Variants in MYO18A observed in about 807,000 individuals in gnomAD.
The protein encoded by MYO18A is myosin XVIIIA.
MYO18A carries 78 observed loss-of-function variants against 235.8 expected under a neutral mutation model. The observed-to-expected ratio is 0.33, with a 90% CI of 0.28 to 0.40. MYO18A has a LOEUF of 0.40. MYO18A is among the 10% of genes least tolerant of loss of function. The pLI, the probability that MYO18A is intolerant of heterozygous loss-of-function variation, is 1.00. For synonymous variants in MYO18A, 977 were observed against 1,077.8 expected, an observed-to-expected ratio of 0.91 and a Z score of 1.83; for missense variants, 2,215 against 2,699.3, an observed-to-expected ratio of 0.82 and a Z score of 3.98.
chr17:29,130,112 C>A (rs1027846335), intron 2 of MYO18A, among the ~76,000 whole-genome samples: 5 of 152,116 alleles, frequency 3.3e-5, no homozygotes, highest in Admixed American at 3.3e-4. Flanking sequence ...GCCTGGGCAA[C>A]ATGGTGAAAC....
rs900693608 is a variant in MYO18A, at chr17:29,117,296, C to A, written c.2038+749G>T. ...GCAAGTGCCAAAGCTGCAGCCCATT[C>A]GTTACCACGGTGCCTGCTGCCCCCT... On this transcript the variant is annotated intron_variant, in intron 10 of 41. Coordinates refer to ENST00000527372, the MANE Select transcript of MYO18A (RefSeq NM_078471.4). The surrounding 1 kb of genome is among the most constrained non-coding windows in gnomAD (Gnocchi z 4.6). Among the ~76,000 whole-genome samples the A allele has an allele frequency of 6.6e-6, 1 of 152,198 alleles. No individual in the cohort carries two copies. The highest frequency in any genetic ancestry group is 1.5e-5 in the Non-Finnish European group (1 of 68,038).
Position 29,106,562 on chromosome 17 carries a change from G to A in MYO18A, c.3441+518C>T, listed in dbSNP as rs1336432358. Among the ~76,000 whole-genome samples the A allele has an allele frequency of 6.6e-6, 1 of 152,166 alleles. No individual in the cohort carries two copies. Reference sequence around the variant, plus strand: ...GTGACTGTCTAAGGGGCTGCCTCTGGGGCTCAAGGTGATAGCCCAGACGGG... The same window carrying A: ...GTGACTGTCTAAGGGGCTGCCTCTGAGGCTCAAGGTGATAGCCCAGACGGG... On this transcript the variant is annotated intron_variant, in intron 20 of 41. Transcript: ENST00000527372. This position sits in a 1 kb window ranked among gnomAD's most constrained non-coding sequence, Gnocchi z 4.6.
At position 29,158,385 on chromosome 17, in the gene MYO18A, C is replaced by T. The variant is rs1429993848; in HGVS notation, c.999+7557G>A. Among the ~76,000 whole-genome samples, 1 of 152,208 alleles carries T rather than the reference C, an allele frequency of 6.6e-6. No homozygotes were observed. On this transcript the variant is annotated intron_variant, in intron 2 of 41. Transcript: ENST00000527372. The surrounding 1 kb of genome is among the most constrained non-coding windows in gnomAD (Gnocchi z 4.3). ...CCCACAACTGAAAAAATAAGCTTTG[C>T]TAACACTGTCCCCTGTATTTAACAG... is the stretch of plus-strand genomic sequence containing the variant.
intron 2 of MYO18A, among the ~76,000 whole-genome samples, chr17:29,134,823 A>C (rs2067558826): frequency 6.6e-6 from 1 of 152,150 alleles, no homozygotes. Flanking sequence ...ACGCCCAGCC[A>C]ACACTCAAAC....
chr17:29,154,132 G>GCGCGCGCGCGCA (rs1206352340), intron 2 of MYO18A, among the ~76,000 whole-genome samples: 2 of 152,052 alleles, frequency 1.3e-5, no homozygotes, highest in African/African-American at 4.8e-5. Context: ...GCGCGCGCGT[G>GCGCGCGCGCGCA]CGTGTGTATG....
At chr17:29,108,184 A>G (rs1399529879) in intron 19 of MYO18A, among the ~76,000 whole-genome samples, 1 of 152,074 alleles carries the variant, frequency 6.6e-6, no homozygotes, top group African/African-American at 2.4e-5. Context: ...CCCTCTGTCC[A>G]CTAGAGCAGG....
chr17:29,114,847 C>A (rs1443699868), intron 14 of MYO18A, 60 bp downstream of exon 14: 2 of 1,536,328 alleles, frequency 1.3e-6, no homozygotes, highest in Non-Finnish European at 1.8e-6. Context: ...CACAGATGCC[C>A]TCGCTGTGGG....
rs375665767 is a variant in MYO18A at position 29,121,826 on chromosome 17, C to T, written c.1194+25G>A. 6.2e-7 allele frequency: 1 copy of T among 1,613,302 alleles called. No homozygotes were observed. The highest frequency in any genetic ancestry group is 8.5e-7 in the Non-Finnish European group (1 of 1,179,416). On this transcript the variant is annotated intron_variant, in intron 4 of 41. Coordinates refer to ENST00000527372, the MANE Select transcript of MYO18A (RefSeq NM_078471.4). The surrounding 1 kb of genome is among the most constrained non-coding windows in gnomAD (Gnocchi z 4.2). ...CAGTGCACTCCTGAGCCTCCTCCCCCACACCCAGCCCCCTGCCCACCTACC... is the reference window on the plus strand; with the variant it reads ...CAGTGCACTCCTGAGCCTCCTCCCCTACACCCAGCCCCCTGCCCACCTACC...
chr17:29,162,513 G>T (rs1296477553), intron 2 of MYO18A, among the ~76,000 whole-genome samples: 1 of 152,194 alleles, frequency 6.6e-6, no homozygotes, highest in Non-Finnish European at 1.5e-5. Flanking sequence ...CCAGATGTCA[G>T]CTTTCGCTGA....
intron 21 of MYO18A, among the ~76,000 whole-genome samples, chr17:29,101,840 G>A (rs1366913136): frequency 6.6e-6 from 1 of 152,142 alleles, no homozygotes; most frequent in Non-Finnish European, 1.5e-5. Context: ...TGAACATTTG[G>A]GGGGTTAAGG....
rs1304367384 is a variant in MYO18A at position 29,090,077 on chromosome 17, C to A, written c.5410G>T (p.Val1804Leu). The A allele has an allele frequency of 6.2e-7, 1 of 1,613,366 alleles. No homozygotes were observed. Among genetic ancestry groups the A allele is most frequent in the Admixed American group, 1.7e-5 (1 of 59,912 alleles). ...QEKLQALQSQ[V>L]EFLEQSMVDK... ...ACCATGGACTGCTCCAGGAACTCCA[C>A]CTGGCTCTGGAGGGCTTGTAGCTAG... Residue 1804 changes from valine (V) to leucine (L), a missense_variant, in exon 37 of 42, where the codon GTG becomes TTG. Val to Leu is a conservative substitution (Grantham distance 32). Transcript: ENST00000527372.
rs114780295 is a variant in MYO18A, at chr17:29,118,361, C to A, written c.1893+16G>T. 251 of 1,598,644 alleles carry A rather than the reference C, an allele frequency of 1.6e-4. 1 individual carries two copies. The African/African-American group carries it at 2.7e-3, about 17-fold the overall frequency. On this transcript the variant is annotated intron_variant, in intron 9 of 41. Transcript: ENST00000527372. The surrounding 1 kb of genome is among the most constrained non-coding windows in gnomAD (Gnocchi z 4.2). ...AAGGCCCAGGGCTGGCAACCCAGAC[C>A]CCACAGACCCCTCACCTTGGCCAGT...
rs2067206267 is a variant in MYO18A, at chr17:29,121,800, C to G, written c.1194+51G>C. On this transcript the variant is annotated intron_variant, in intron 4 of 41. Coordinates refer to ENST00000527372, the MANE Select transcript of MYO18A (RefSeq NM_078471.4). The surrounding 1 kb of genome is among the most constrained non-coding windows in gnomAD (Gnocchi z 4.2). The stretch of plus-strand genomic sequence containing the variant: ...CTGCCAGAGGATGGGCCTGCCCTGC[C>G]CAGTGCACTCCTGAGCCTCCTCCCC... 3 of 1,611,694 alleles carry G rather than the reference C, an allele frequency of 1.9e-6. No homozygotes were observed. The Admixed American group carries it at 5.0e-5, about 27-fold the overall frequency.
At chr17:29,099,197 C>G (rs1222110231) in intron 22 of MYO18A, among the ~76,000 whole-genome samples, 1 of 152,154 alleles carries the variant, frequency 6.6e-6, no homozygotes, top group African/African-American at 2.4e-5. Context: ...GCACTAGCCA[C>G]TCCACTGCCA....
chr17:29,168,968 G>A (rs746604516), intron 1 of MYO18A, among the ~76,000 whole-genome samples: 1 of 152,140 alleles, frequency 6.6e-6, no homozygotes, highest in Non-Finnish European at 1.5e-5. Flanking sequence ...TCAGGAGTTC[G>A]AGACCAGCCT....
intron 2 of MYO18A, among the ~76,000 whole-genome samples, chr17:29,145,382 C>T (rs937841093): frequency 6.6e-6 from 1 of 152,174 alleles, no homozygotes; most frequent in Non-Finnish European, 1.5e-5. Context: ...AGTGGAAGGT[C>T]CTTGGCTCTG....
At chr17:29,115,968 T>C (rs2067049784) in intron 11 of MYO18A, 128 bp from the exon 12 acceptor site, 1 of 1,035,068 alleles carries the variant, frequency 9.7e-7, no homozygotes, top group Non-Finnish European at 1.4e-6. Flanking sequence ...CCCGATGGGC[T>C]TCAGGCAGAA....
chr17:29,142,793 G>A (rs1032023632), intron 2 of MYO18A, among the ~76,000 whole-genome samples: 3 of 152,176 alleles, frequency 2.0e-5, no homozygotes, highest in African/African-American at 7.2e-5. Flanking sequence ...ATCTCTCTGT[G>A]TTTCAACTTC....
In MYO18A at chr17:29,114,088, C is replaced by T. The variant is rs370233648; in HGVS notation, c.2521G>A (p.Glu841Lys). 8.1e-6 allele frequency: 13 copies of T among 1,596,490 alleles called. No individual in the cohort carries two copies. Among genetic ancestry groups the T allele is most frequent in the South Asian group, 2.3e-5 (2 of 87,656 alleles). Reference protein sequence around the residue: ...ELERYKEENIELAFDDLEPPT... With the variant: ...ELERYKEENIKLAFDDLEPPT... ...GGTTCCAAGTCGTCAAACGCCAGCTCGATGTTCTCCTGGGAAAGAAGGCCG... is the reference window on the plus strand; with the variant it reads ...GGTTCCAAGTCGTCAAACGCCAGCTTGATGTTCTCCTGGGAAAGAAGGCCG... The change falls in exon 15 of 42, where the codon GAG becomes AAG. Residue 841 changes from glutamate (E) to lysine (K), a missense_variant. Coordinates refer to ENST00000527372, the MANE Select transcript of MYO18A (RefSeq NM_078471.4).
Sources: allele counts gnomAD v4.1 joint callset (sites outside exome capture counted in the v4.1 genomes callset), GRCh38; gene constraint gnomAD v4.1.1; non-coding constraint Gnocchi (gnomAD v3.1); transcripts MANE v1.5; gene names NCBI Gene and HGNC (gene_info 2026-07-23, HGNC 2026-07-21).